ILRUN: variants seen among roughly 807,000 people sequenced by gnomAD.
ILRUN encodes the protein inflammation and lipid regulator with UBA-like and NBR1-like domains, also known as protein ILRUN.
Under a neutral mutation model 33.8 loss-of-function variants are expected in ILRUN, and 3 were observed. The ratio of observed to expected loss-of-function variants is 0.09; its 90% confidence interval spans 0.04 to 0.23. The LOEUF (loss-of-function observed/expected upper bound fraction) is 0.23. Among genes scored for constraint, ILRUN ranks in the 10% least tolerant of loss-of-function variants. ILRUN has a pLI of 1.00. For missense variants in ILRUN, 210 were observed against 375.1 expected (o/e 0.56, Z 3.64); for synonymous variants, 124 against 138.9 (o/e 0.89, Z 0.75).
chr6:34,651,968 A>G (rs1395312682), intron 2 of ILRUN, among the ~76,000 whole-genome samples: 1 of 151,636 alleles, frequency 6.6e-6, no homozygotes, highest in African/African-American at 2.4e-5. Context: ...AATTTTTTGT[A>G]TTTTTAGTAG....
chr6:34,679,751 C>T (rs1763318863), intron 1 of ILRUN, among the ~76,000 whole-genome samples: 1 of 152,074 alleles, frequency 6.6e-6, no homozygotes, highest in African/African-American at 2.4e-5. Flanking sequence ...TGAGGTCATA[C>T]AAGATTAGGG....
At chr6:34,641,414 T>C (rs1762473565) in intron 3 of ILRUN, among the ~76,000 whole-genome samples, 1 of 152,200 alleles carries the variant, frequency 6.6e-6, no homozygotes, top group African/African-American at 2.4e-5. Flanking sequence ...TTGGATTCAA[T>C]GAAATACAGT....
At chr6:34,637,380 A>G (rs1300863474) in intron 3 of ILRUN, among the ~76,000 whole-genome samples, 2 of 152,214 alleles carry the variant, frequency 1.3e-5, no homozygotes, top group Non-Finnish European at 2.9e-5. Context: ...ACAGAATTGT[A>G]CTTGATTTTA....
chr6:34,627,698 T>C (rs1762165506), intron 3 of ILRUN, among the ~76,000 whole-genome samples: 1 of 149,798 alleles, frequency 6.7e-6, no homozygotes, highest in South Asian at 2.1e-4. Context: ...GTTCAGGTCT[T>C]TGGCCCTTTT....
chr6:34,670,671 T>G (rs1426080234), intron 1 of ILRUN, among the ~76,000 whole-genome samples: 4 of 150,622 alleles, frequency 2.7e-5, no homozygotes, highest in Non-Finnish European at 5.9e-5. Flanking sequence ...GCCAACATGG[T>G]GAAACCCTGT....
chr6:34,590,667 G>A (rs1761277129), intron 4 of ILRUN, 67 bp from the exon 5 acceptor site: 3 of 1,155,790 alleles, frequency 2.6e-6, no homozygotes, highest in East Asian at 4.7e-5. Flanking sequence ...CAAACCAAGT[G>A]CAAGATCTAT....
At chr6:34,682,480 G>A (rs1263494006) in intron 1 of ILRUN, among the ~76,000 whole-genome samples, 2 of 150,988 alleles carry the variant, frequency 1.3e-5, no homozygotes, top group East Asian at 3.9e-4. Context: ...GGACGGTCTC[G>A]ATCTCCTGAC....
At chr6:34,593,032 AG>A (rs1325497838) in intron 4 of ILRUN, among the ~76,000 whole-genome samples, 1 of 152,028 alleles carries the variant, frequency 6.6e-6, no homozygotes, top group Non-Finnish European at 1.5e-5. Flanking sequence ...TTTTTTAATT[AG>A]TTGGACATGG....
intron 1 of ILRUN, among the ~76,000 whole-genome samples, chr6:34,691,706 G>A (rs1471197733): frequency 1.3e-5 from 2 of 152,008 alleles, no homozygotes; most frequent in Non-Finnish European, 2.9e-5. Context: ...TGAGGCAGGA[G>A]AATCTCTTGA....
chr6:34,654,416 A>G (rs1333232035), intron 2 of ILRUN, among the ~76,000 whole-genome samples: 2 of 152,244 alleles, frequency 1.3e-5, no homozygotes, highest in Non-Finnish European at 2.9e-5. Context: ...GCTTAAAAGC[A>G]TGAGACATAA....
chr6:34,607,023 A>C lies in ILRUN; in HGVS notation c.512-119T>G, dbSNP rs1761648082. 2.1e-5 allele frequency: 16 copies of C among 754,916 alleles called. 2 individuals carry two copies. The South Asian group carries it at 2.8e-4, about 13-fold the overall frequency. 46.8% of individuals were successfully genotyped at this position (754,916 alleles called of 1,614,324 possible). A position where few individuals can be genotyped will look rare whatever the true frequency, so the allele number is the denominator to read the frequency against. ...AGAATGAAACATTCTTCTATATGCTAGTTTTAAAAGCTTGCTAACAAAGCT... is the reference window on the plus strand; with the variant it reads ...AGAATGAAACATTCTTCTATATGCTCGTTTTAAAAGCTTGCTAACAAAGCT... On this transcript the variant is annotated intron_variant, in intron 3 of 4. Transcript: ENST00000374023.
chr6:34,661,603 GA>G (rs1299970859), intron 1 of ILRUN, among the ~76,000 whole-genome samples: 2 of 152,120 alleles, frequency 1.3e-5, no homozygotes, highest in East Asian at 3.8e-4. Context: ...AACACACAGA[GA>G]AAGAAACCTA....
intron 3 of ILRUN, among the ~76,000 whole-genome samples, chr6:34,627,857 C>G (rs1394300617): frequency 6.6e-6 from 1 of 151,992 alleles, no homozygotes; most frequent in Non-Finnish European, 1.5e-5. Flanking sequence ...ACATGCACCA[C>G]CATACCCGGC....
At chr6:34,675,672 A>G (rs1763213946) in intron 1 of ILRUN, among the ~76,000 whole-genome samples, 1 of 152,194 alleles carries the variant, frequency 6.6e-6, no homozygotes, top group Non-Finnish European at 1.5e-5. Context: ...AGTAAAAAAC[A>G]TTATAAACCA....
At chr6:34,627,441 G>C (rs1490185936) in intron 3 of ILRUN, among the ~76,000 whole-genome samples, 1 of 152,220 alleles carries the variant, frequency 6.6e-6, no homozygotes, top group Non-Finnish European at 1.5e-5. Context: ...CTGCTGATGG[G>C]AGGGTAAGAG....
At chr6:34,674,346 G>T (rs1410833885) in intron 1 of ILRUN, among the ~76,000 whole-genome samples, 1 of 152,078 alleles carries the variant, frequency 6.6e-6, no homozygotes, top group Non-Finnish European at 1.5e-5. Context: ...TTATACTATC[G>T]ATTTACCTAA....
chr6:34,626,194 C>G (rs926568095), intron 3 of ILRUN, among the ~76,000 whole-genome samples: 1 of 151,864 alleles, frequency 6.6e-6, no homozygotes, highest in African/African-American at 2.4e-5. Context: ...TTTTCCAAGA[C>G]AGGGTCTCTC....
At chr6:34,637,959 T>C (rs981525526) in intron 3 of ILRUN, among the ~76,000 whole-genome samples, 1 of 151,950 alleles carries the variant, frequency 6.6e-6, no homozygotes, top group Admixed American at 6.6e-5. Flanking sequence ...TGATCTCGGC[T>C]CACTGCAACC....
At chr6:34,630,364 G>C (rs1287534774) in intron 3 of ILRUN, among the ~76,000 whole-genome samples, 1 of 152,112 alleles carries the variant, frequency 6.6e-6, no homozygotes, top group African/African-American at 2.4e-5. Flanking sequence ...AGGGTGATGG[G>C]GAGGCTACTG....
Sources: allele counts gnomAD v4.1 joint callset (sites outside exome capture counted in the v4.1 genomes callset), GRCh38; gene constraint gnomAD v4.1.1; transcripts MANE v1.5; gene names NCBI Gene and HGNC (gene_info 2026-07-23, HGNC 2026-07-21).